ASCC3: variants seen among roughly 807,000 people sequenced by gnomAD.
The protein encoded by ASCC3 is ASC-1 complex subunit P200.
ASCC3 carries 158 observed loss-of-function variants against 256.3 expected under a neutral mutation model. The ratio of observed to expected loss-of-function variants is 0.62; its 90% CI spans 0.54 to 0.70. The LOEUF is 0.70. Ranked by LOEUF, ASCC3 falls within the 30% of genes least tolerant of loss-of-function variation. The probability of loss-of-function intolerance (pLI) is 0.00; values close to 1 mark genes in which losing one functional copy is unlikely to be tolerated. For missense variants in ASCC3, 2,259 were observed against 2,626.0 expected (o/e 0.86, Z 3.05); for synonymous variants, 948 against 883.4 (o/e 1.07, Z -1.30).
At position 100,732,165 on chromosome 6, in the gene ASCC3, CA is replaced by C. The variant is rs386408063; in HGVS notation, c.1738-6463del. Among the ~76,000 whole-genome samples, 1,662 of 105,070 alleles carry C rather than the reference CA, an allele frequency of 0.016. 72 individuals are homozygous for C. The East Asian group carries it at 0.16, about 10-fold the overall frequency. The allele number at this position is 105,070 out of a possible 152,430, so 68.9% of individuals were successfully genotyped here. On this transcript the variant is annotated intron_variant, in intron 10 of 41. Coordinates refer to ENST00000369162, the MANE Select transcript of ASCC3 (RefSeq NM_006828.4). ...AACAAAGCGAGACTCCGTCTCAAAA[CA>C]AAAAAAAAAAAAAAAAGAAGAAGAA...
intron 3 of ASCC3, chr6:100,856,400 G>A (rs568564611): frequency 7.1e-6 from 7 of 983,942 alleles, no homozygotes; most frequent in African/African-American, 7.0e-5. Context: ...CAAACCTTAA[G>A]CTAAATAAAT....
chr6:100,625,322 T>A lies in ASCC3; in HGVS notation c.4655A>T (p.His1552Leu), dbSNP rs773165595. 16 of 1,612,564 alleles carry A rather than the reference T, an allele frequency of 9.9e-6. No individual in the cohort carries two copies. The highest frequency in any genetic ancestry group is 8.5e-7 in the Non-Finnish European group (1 of 1,179,028). ...NKPAFQAIRS[H>L]SPAKPVLIFV... Reference sequence around the variant, plus strand: ...TATCAAAACAGGTTTGGCTGGAGAATGGCTTCTAATTGCTGTTGAAAAGTT... The same window carrying A: ...TATCAAAACAGGTTTGGCTGGAGAAAGGCTTCTAATTGCTGTTGAAAAGTT... The change falls in exon 30 of 42, where the codon CAT becomes CTT. Residue 1552 changes from histidine to leucine, a missense_variant. His to Leu is a moderately conservative substitution (Grantham distance 99). Transcript: ENST00000369162.
chr6:100,522,581 C>T (rs111759320), intron 37 of ASCC3, among the ~76,000 whole-genome samples: 305 of 151,778 alleles, frequency 2.0e-3, no homozygotes, highest in Non-Finnish European at 3.7e-3. Context: ...AAAATGAACA[C>T]GCATGGAGCA....
intron 11 of ASCC3, among the ~76,000 whole-genome samples, chr6:100,718,526 G>A (rs1315563967): frequency 6.6e-6 from 1 of 151,954 alleles, no homozygotes; most frequent in African/African-American, 2.4e-5. Context: ...TGGGAGGCAA[G>A]GTGGGCGGCT....
chr6:100,780,139 A>C (rs1185408955), intron 8 of ASCC3, among the ~76,000 whole-genome samples: 1 of 152,208 alleles, frequency 6.6e-6, no homozygotes, highest in African/African-American at 2.4e-5. Flanking sequence ...AATTTTATTT[A>C]ACTCAATGTA....
intron 14 of ASCC3, among the ~76,000 whole-genome samples, chr6:100,677,429 G>A (rs1394431453): frequency 5.9e-5 from 9 of 152,084 alleles, no homozygotes; most frequent in Non-Finnish European, 1.2e-4. Flanking sequence ...ACAGTGTAGT[G>A]AAAATGGTGG....
chr6:100,631,144 C>T lies in ASCC3; in HGVS notation c.4192G>A (p.Glu1398Lys). 2 of 1,610,826 alleles carry T rather than the reference C, an allele frequency of 1.2e-6. No individual in the cohort carries two copies. Among genetic ancestry groups the T allele is most frequent in the Non-Finnish European group, 1.7e-6 (2 of 1,177,762 alleles). Residue 1398 changes from glutamate (E) to lysine (K), a missense_variant, in exon 26 of 42, where the codon GAA (glutamate) becomes AAA (lysine). By Grantham distance (56) the Glu-to-Lys change is moderately conservative (BLOSUM62 1). This residue lies in a region of ASCC3 where 1,839 missense variants were observed against 2,206.7 expected (regional missense o/e 0.83). Transcript: ENST00000369162. ...AGAACTTACTTTTTACCAAGTTTTT[C>T]TTCTATTCTAACTTTCCAATCATCC... ...RMDDWKVRIE[E>K]KLGKKVIELT...
At chr6:100,876,711 T>A (rs930696696) in intron 1 of ASCC3, among the ~76,000 whole-genome samples, 1 of 152,166 alleles carries the variant, frequency 6.6e-6, no homozygotes, top group African/African-American at 2.4e-5. Context: ...AAATGACAAA[T>A]ATATAAATGA....
chr6:100,864,745 A>G (rs1029307013), intron 2 of ASCC3, among the ~76,000 whole-genome samples: 1 of 152,148 alleles, frequency 6.6e-6, no homozygotes, highest in Non-Finnish European at 1.5e-5. Flanking sequence ...ATTCTTTTCT[A>G]TACACACTCT....
At chr6:100,539,810 T>A (rs1281344807) in intron 37 of ASCC3, among the ~76,000 whole-genome samples, 2 of 152,170 alleles carry the variant, frequency 1.3e-5, no homozygotes, top group African/African-American at 4.8e-5. Context: ...AAATGGCAGT[T>A]ATTACCTATT....
chr6:100,769,502 T>C (rs1416516181), intron 8 of ASCC3, among the ~76,000 whole-genome samples: 1 of 150,802 alleles, frequency 6.6e-6, no homozygotes, highest in East Asian at 1.9e-4. Flanking sequence ...CAATTACAAA[T>C]AAAACTTTTA....
chr6:100,605,814 G>A lies in ASCC3; in HGVS notation c.5045-114C>T, dbSNP rs1772855796. ...CAAATAACAAAAGAAATAGAATATT[G>A]TGATAATATGTTTGCTATGTTGATG... On this transcript the variant is annotated intron_variant, in intron 32 of 41. Coordinates refer to ENST00000369162, the MANE Select transcript of ASCC3 (RefSeq NM_006828.4). 4 of 1,214,278 alleles carry A rather than the reference G, an allele frequency of 3.3e-6. No individual in the cohort carries two copies. In the South Asian group the frequency reaches 5.4e-5, roughly 16 times the overall value. The allele number at this position is 1,214,278 out of a possible 1,614,324, so 75.2% of individuals were successfully genotyped here.
At chr6:100,673,181 G>C (rs938747930) in intron 14 of ASCC3, among the ~76,000 whole-genome samples, 1 of 151,790 alleles carries the variant, frequency 6.6e-6, no homozygotes, top group Non-Finnish European at 1.5e-5. Context: ...TCCAGAGAGA[G>C]GACCCTAATT....
At chr6:100,631,292 T>C in intron 25 of ASCC3, 79 bp from the exon 26 acceptor site, 1 of 1,149,510 alleles carries the variant, frequency 8.7e-7, no homozygotes, top group Non-Finnish European at 1.3e-6. Flanking sequence ...CTCCAAAAAA[T>C]TTGTCAAAAT....
At chr6:100,624,634 G>C (rs1315035887) in intron 30 of ASCC3, among the ~76,000 whole-genome samples, 1 of 151,760 alleles carries the variant, frequency 6.6e-6, no homozygotes. Context: ...TTTCTTTTTA[G>C]AACTCTATAC....
intron 13 of ASCC3, among the ~76,000 whole-genome samples, chr6:100,712,598 T>C (rs1357187134): frequency 6.6e-6 from 1 of 151,970 alleles, no homozygotes. Context: ...ATCCAAAATA[T>C]TGACAAAACC....
At chr6:100,855,762 TATA>T (rs1325190721) in intron 3 of ASCC3, among the ~76,000 whole-genome samples, 1 of 152,208 alleles carries the variant, frequency 6.6e-6, no homozygotes, top group African/African-American at 2.4e-5. Flanking sequence ...ACATCTAAGT[TATA>T]ATAAAATTAT....
Position 100,864,055 on chromosome 6 carries a change from A to G in ASCC3, c.241+9T>C. ...TTTAAAAAAAAAAAAGAAAAAAAGA[A>G]AACTATACCTATCTGCTTTGCAGCA... On this transcript the variant is annotated intron_variant, in intron 3 of 41. Transcript: ENST00000369162. The G allele has an allele frequency of 3.3e-6, 5 of 1,535,932 alleles. No individual in the cohort carries two copies. The highest frequency in any genetic ancestry group is 2.1e-4 in the Middle Eastern group (1 of 4,772).
intron 13 of ASCC3, among the ~76,000 whole-genome samples, chr6:100,712,971 G>A (rs1274352106): frequency 6.6e-6 from 1 of 151,816 alleles, no homozygotes; most frequent in Non-Finnish European, 1.5e-5. Context: ...TGTTAGCCAG[G>A]ATGGTCTCCA....
Sources: gnomAD v4.1 joint callset for allele counts (sites outside exome capture counted in the v4.1 genomes callset) on GRCh38, gnomAD v4.1.1 for gene constraint, gnomAD v4.1.1 regional missense constraint, MANE v1.5 for transcripts, NCBI Gene and HGNC (gene_info 2026-07-23, HGNC 2026-07-21) for gene names.